Variants in GRM5 observed in about 807,000 individuals in gnomAD.
GRM5 encodes glutamate metabotropic receptor 5.
Under a neutral mutation model 83.1 loss-of-function variants are expected in GRM5, and 19 were observed. That is an observed-to-expected ratio of 0.23 (90% CI 0.16 to 0.34). The LOEUF is 0.34. Among genes scored for constraint, GRM5 ranks in the 10% least tolerant of loss-of-function variants. The pLI is 1.00. For synonymous variants in GRM5, 675 were observed against 633.6 expected (o/e 1.07, Z -0.98); for missense variants, 1,160 against 1,588.3 (o/e 0.73, Z 4.58).
At chr11:88,609,033 AG>A (rs935442126) in intron 4 of GRM5, among the ~76,000 whole-genome samples, 1 of 152,050 alleles carries the variant, frequency 6.6e-6, no homozygotes, top group Non-Finnish European at 1.5e-5. Flanking sequence ...GTATATGTGC[AG>A]GTTTGTTACA....
intron 2 of GRM5, among the ~76,000 whole-genome samples, chr11:88,933,429 G>A (rs1937784064): frequency 1.3e-5 from 2 of 151,748 alleles, no homozygotes; most frequent in Non-Finnish European, 2.9e-5. Context: ...TCAAACTGAT[G>A]TATTGAGACC....
intron 3 of GRM5, among the ~76,000 whole-genome samples, chr11:88,764,658 T>C (rs1190184129): frequency 1.3e-5 from 2 of 151,348 alleles, no homozygotes; most frequent in East Asian, 3.9e-4. Flanking sequence ...TAAAGATGAA[T>C]GAAAGTGAAA....
intron 7 of GRM5, among the ~76,000 whole-genome samples, chr11:88,572,471 A>G (rs1186525676): frequency 6.6e-6 from 1 of 152,188 alleles, no homozygotes; most frequent in Non-Finnish European, 1.5e-5. Context: ...GCTTGCACAA[A>G]GCTTCAAGCT....
At position 88,764,476 on chromosome 11, in the gene GRM5, A is replaced by AT. The variant is rs537994842; in HGVS notation, c.911+85429dup. Among the ~76,000 whole-genome samples, 4 of 151,782 alleles carry AT rather than the reference A, an allele frequency of 2.6e-5. No individual in the cohort carries two copies. The East Asian group carries it at 7.7e-4, about 29-fold the overall frequency. ...TTTACCACAAATTAAGTCTCAATAG[A>AT]TTTTTTTATAGATGTCATACAAAGT... On this transcript the variant is annotated intron_variant, in intron 3 of 9. Transcript: ENST00000305447.
intron 2 of GRM5, among the ~76,000 whole-genome samples, chr11:88,975,802 A>G (rs1334311079): frequency 2.0e-5 from 3 of 152,186 alleles, no homozygotes; most frequent in Non-Finnish European, 4.4e-5. Flanking sequence ...CCAACATACT[A>G]TGAGGTAAAA....
intron 3 of GRM5, among the ~76,000 whole-genome samples, chr11:88,811,889 A>G (rs1943594771): frequency 6.6e-6 from 1 of 152,086 alleles, no homozygotes; most frequent in African/African-American, 2.4e-5. Flanking sequence ...TACAGCACCT[A>G]TCAGTGATAA....
intron 1 of GRM5, among the ~76,000 whole-genome samples, chr11:89,062,813 C>G (rs1224554823): frequency 6.6e-6 from 1 of 152,372 alleles, no homozygotes; most frequent in African/African-American, 2.4e-5. Context: ...GGCTAGCCTC[C>G]GCACTCACGG....
At chr11:88,958,909 G>T (rs1051129015) in intron 2 of GRM5, among the ~76,000 whole-genome samples, 4 of 152,042 alleles carry the variant, frequency 2.6e-5, no homozygotes, top group African/African-American at 9.7e-5. Context: ...TTAGTGTGAA[G>T]GGTGGCATTT....
chr11:88,582,585 C>T (rs1441713952), intron 7 of GRM5, among the ~76,000 whole-genome samples: 1 of 152,116 alleles, frequency 6.6e-6, no homozygotes, highest in Non-Finnish European at 1.5e-5. Context: ...TCAATATTAA[C>T]AAGAAATATT....
At chr11:88,721,301 A>T (rs1283607525) in intron 3 of GRM5, among the ~76,000 whole-genome samples, 1 of 152,062 alleles carries the variant, frequency 6.6e-6, no homozygotes, top group African/African-American at 2.4e-5. Context: ...CAAGGTTGAG[A>T]AAGGTCCCGG....
At chr11:89,035,562 A>G (rs922469811) in intron 2 of GRM5, among the ~76,000 whole-genome samples, 2 of 151,940 alleles carry the variant, frequency 1.3e-5, no homozygotes, top group African/African-American at 4.8e-5. Flanking sequence ...TCTTGAGGAA[A>G]GGAATGCAGA....
intron 2 of GRM5, among the ~76,000 whole-genome samples, chr11:88,972,044 G>C (rs959982652): frequency 6.6e-6 from 1 of 152,124 alleles, no homozygotes. Flanking sequence ...TCGCCATCTT[G>C]GACAAGCACT....
At chr11:88,655,559 G>A (rs1247564399) in intron 3 of GRM5, among the ~76,000 whole-genome samples, 1 of 152,004 alleles carries the variant, frequency 6.6e-6, no homozygotes, top group African/African-American at 2.4e-5. Flanking sequence ...GAATTTAACA[G>A]GGATTGTAAA....
Position 88,509,256 on chromosome 11 carries a change from G to T in GRM5, c.2975C>A (p.Ser992Tyr). 1 of 1,487,392 alleles carries T rather than the reference G, an allele frequency of 6.7e-7. No individual in the cohort carries two copies. The highest frequency in any genetic ancestry group is 1.5e-5 in the African/African-American group (1 of 67,872). The allele number at this position is 1,487,392 out of a possible 1,614,324, so 92.1% of individuals were successfully genotyped here. A position where few individuals can be genotyped will look rare whatever the true frequency, so the allele number is the denominator to read the frequency against. The change falls in exon 10 of 10, where the codon TCC (serine) becomes TAC (tyrosine). Residue 992 changes from serine to tyrosine, a missense_variant. This residue lies in a region of GRM5 where 562 missense variants were observed against 532.4 expected (regional missense o/e 1.06). Coordinates refer to ENST00000305447, the MANE Select transcript of GRM5 (RefSeq NM_001143831.3). ...CAGCGCCTTGGGGCCGGCGTCTGGG[G>T]ACTCGGGCCCGCCTGGGCCGGCGCC... ...CAGAGPGGPE[S>Y]PDAGPKALYD... is the part of the protein sequence containing the mutation.
chr11:88,922,889 T>G (rs1473922659), intron 2 of GRM5, among the ~76,000 whole-genome samples: 1 of 152,082 alleles, frequency 6.6e-6, no homozygotes, highest in African/African-American at 2.4e-5. Flanking sequence ...GTAAAAAATC[T>G]GATAATCCAG....
chr11:88,984,819 C>T (rs1185211508), intron 2 of GRM5: 1 of 738,896 alleles, frequency 1.4e-6, no homozygotes, highest in South Asian at 1.5e-5. Flanking sequence ...TTTTCCAGGG[C>T]ATCATATACT....
chr11:89,023,777 G>A (rs1487572682), intron 2 of GRM5, among the ~76,000 whole-genome samples: 1 of 151,822 alleles, frequency 6.6e-6, no homozygotes. Flanking sequence ...TTGAACCCAG[G>A]AGGCGGAGGT....
chr11:88,798,876 G>A (rs1032722972), intron 3 of GRM5, among the ~76,000 whole-genome samples: 1 of 146,744 alleles, frequency 6.8e-6, no homozygotes, highest in African/African-American at 2.5e-5. Flanking sequence ...TATTTTATAT[G>A]ACAATCCAGG....
At chr11:88,871,844 T>C (rs974491628) in intron 2 of GRM5, among the ~76,000 whole-genome samples, 2 of 151,408 alleles carry the variant, frequency 1.3e-5, no homozygotes, top group African/African-American at 4.8e-5. Flanking sequence ...GACTCTTAAA[T>C]ATCTTGTAAT....
Sources: allele counts gnomAD v4.1 joint callset (sites outside exome capture counted in the v4.1 genomes callset), GRCh38; gene constraint gnomAD v4.1.1; regional missense constraint gnomAD v4.1.1; transcripts MANE v1.5; gene names NCBI Gene and HGNC (gene_info 2026-07-23, HGNC 2026-07-21).